SGCD: variants seen among roughly 807,000 people sequenced by gnomAD.
SGCD encodes the protein delta-sarcoglycan.
In SGCD, 18 loss-of-function variants were observed where a neutral mutation model predicts 36.6. The ratio of observed to expected loss-of-function variants is 0.49; its 90% CI spans 0.34 to 0.73. The LOEUF (loss-of-function observed/expected upper bound fraction) is 0.73. SGCD is among the 30% of genes least tolerant of loss of function. The probability of loss-of-function intolerance (pLI) is 0.01; values close to 1 mark genes in which losing one functional copy is unlikely to be tolerated. For synonymous variants in SGCD, 133 were observed against 130.6 expected, an observed-to-expected ratio of 1.02 and a Z score of -0.12; for missense variants, 387 against 346.7, an observed-to-expected ratio of 1.12 and a Z score of -0.92.
chr5:156,401,428 A>G (rs193091597), intron 3 of SGCD, among the ~76,000 whole-genome samples: 1 of 152,302 alleles, frequency 6.6e-6, no homozygotes, highest in East Asian at 1.9e-4. Flanking sequence ...GTACTATTTC[A>G]TCTTGTTCTT....
At chr5:156,434,177 T>C (rs1753145545) in intron 3 of SGCD, among the ~76,000 whole-genome samples, 1 of 152,196 alleles carries the variant, frequency 6.6e-6, no homozygotes, top group African/African-American at 2.4e-5. Context: ...GATGATTATG[T>C]TGGTAAAGAA....
At chr5:156,229,476 G>T (rs1304235437) in intron 3 of SGCD, among the ~76,000 whole-genome samples, 1 of 151,112 alleles carries the variant, frequency 6.6e-6, no homozygotes, top group South Asian at 2.1e-4. Flanking sequence ...TTTGTTTGAG[G>T]AGACTGAAGA....
At chr5:156,174,027 AT>A (rs1581146767) in intron 3 of SGCD, among the ~76,000 whole-genome samples, 2 of 152,192 alleles carry the variant, frequency 1.3e-5, no homozygotes, top group African/African-American at 2.4e-5. Flanking sequence ...TTAAAAACTC[AT>A]TGTAAAGTAT....
intron 3 of SGCD, among the ~76,000 whole-genome samples, chr5:156,352,415 C>T (rs1035201680): frequency 6.6e-6 from 1 of 152,188 alleles, no homozygotes; most frequent in African/African-American, 2.4e-5. Flanking sequence ...ATTCTCTATA[C>T]ATTTTTGTAG....
chr5:156,117,048 G>T (rs1399671583), intron 1 of SGCD, among the ~76,000 whole-genome samples: 1 of 151,946 alleles, frequency 6.6e-6, no homozygotes, highest in Admixed American at 6.6e-5. Context: ...AAATTGTGTA[G>T]CTTTGTTCAA....
intron 5 of SGCD, among the ~76,000 whole-genome samples, chr5:156,591,178 C>A (rs1219962462): frequency 6.6e-6 from 1 of 152,108 alleles, no homozygotes. Context: ...CCTTCTAATG[C>A]CTGTTGTGCT....
intron 7 of SGCD, among the ~76,000 whole-genome samples, chr5:156,716,648 T>G (rs1002023548): frequency 6.6e-6 from 1 of 152,256 alleles, no homozygotes; most frequent in African/African-American, 2.4e-5. Context: ...TTTTGCTGCA[T>G]TGCCAGTTCA....
intron 1 of SGCD, among the ~76,000 whole-genome samples, chr5:156,039,763 T>C (rs968765074): frequency 6.6e-6 from 1 of 152,146 alleles, no homozygotes; most frequent in Admixed American, 6.5e-5. Context: ...CCTTTTTCTG[T>C]TTCAGCATCG....
intron 7 of SGCD, among the ~76,000 whole-genome samples, chr5:156,714,708 G>A (rs951410631): frequency 1.3e-5 from 2 of 152,226 alleles, no homozygotes; most frequent in African/African-American, 2.4e-5. Flanking sequence ...TTGATCGGAC[G>A]TGTTAATCCA....
At chr5:155,911,589 T>C (rs2113357563) in intron 1 of SGCD, among the ~76,000 whole-genome samples, 1 of 152,170 alleles carries the variant, frequency 6.6e-6, no homozygotes, top group African/African-American at 2.4e-5. Flanking sequence ...ACATTCCCCA[T>C]GTGATGGCCA....
At chr5:156,200,055 G>A (rs922178406) in intron 3 of SGCD, among the ~76,000 whole-genome samples, 6 of 152,234 alleles carry the variant, frequency 3.9e-5, no homozygotes, top group Non-Finnish European at 8.8e-5. Context: ...CATACTTATA[G>A]CTTGGAAGAC....
chr5:155,757,736 A>G, the SGCD span, among the ~76,000 whole-genome samples: 2 of 152,128 alleles, frequency 1.3e-5, no homozygotes, highest in Non-Finnish European at 2.9e-5. Flanking sequence ...ATGGACTTGC[A>G]TGGCTTCCAG....
chr5:156,417,390 C>G (rs1773102157), intron 3 of SGCD, among the ~76,000 whole-genome samples: 1 of 152,094 alleles, frequency 6.6e-6, no homozygotes, highest in Non-Finnish European at 1.5e-5. Context: ...ATGATGATGA[C>G]AAGAATACCT....
chr5:156,668,512 C>T (rs531509369), intron 7 of SGCD, among the ~76,000 whole-genome samples: 2 of 152,258 alleles, frequency 1.3e-5, no homozygotes, highest in Admixed American at 6.5e-5. Context: ...GAGCCATTTC[C>T]ATCTTCTCCC....
chr5:156,192,171 A>T lies in SGCD; in HGVS notation c.-44+68152A>T, dbSNP rs991409284. On this transcript the variant is annotated intron_variant, in intron 3 of 9. Coordinates refer to the SGCD transcript ENST00000517913. The stretch of plus-strand genomic sequence containing the variant: ...TGTTTCTTCCAAAAGGAGTCATCTT[A>T]TAATCTTATGATAGTGATGCATTTA... 5.3e-5 allele frequency among the ~76,000 whole-genome samples: 8 copies of T among 152,184 alleles called. No homozygotes were observed. The South Asian group carries it at 1.4e-3, about 28-fold the overall frequency.
intron 6 of SGCD, among the ~76,000 whole-genome samples, chr5:156,632,966 T>TGCAG (rs1348496479): frequency 1.3e-5 from 2 of 151,468 alleles, no homozygotes; most frequent in Non-Finnish European, 2.9e-5. Context: ...GAGAAGACAG[T>TGCAG]GCAGGAGCAA....
At chr5:156,068,228 C>G (rs146691095) in intron 1 of SGCD, among the ~76,000 whole-genome samples, 3 of 150,884 alleles carry the variant, frequency 2.0e-5, no homozygotes, top group African/African-American at 7.3e-5. Flanking sequence ...CCCATTAACT[C>G]GTCATTTAGC....
chr5:156,510,910 A>C (rs1305223687), intron 4 of SGCD, among the ~76,000 whole-genome samples: 1 of 152,232 alleles, frequency 6.6e-6, no homozygotes, highest in African/African-American at 2.4e-5. Flanking sequence ...TACTGGGTGC[A>C]TCTGTTGGGT....
intron 3 of SGCD, among the ~76,000 whole-genome samples, chr5:156,282,545 A>G (rs1436235549): frequency 6.6e-6 from 1 of 152,220 alleles, no homozygotes; most frequent in East Asian, 1.9e-4. Flanking sequence ...TGAAAATTGT[A>G]AAGCATTTGT....
Sources: gnomAD v4.1 joint callset for allele counts (sites outside exome capture counted in the v4.1 genomes callset) on GRCh38, gnomAD v4.1.1 for gene constraint, MANE v1.5 for transcripts, NCBI Gene and HGNC (gene_info 2026-07-23, HGNC 2026-07-21) for gene names.